Variants in ARHGAP28 observed in about 807,000 individuals in gnomAD.
The protein encoded by ARHGAP28 is rho GTPase-activating protein 28.
A neutral mutation model predicts 90.7 loss-of-function variants in ARHGAP28; 56 were observed. The ratio of observed to expected loss-of-function variants is 0.62; its 90% CI spans 0.50 to 0.77. The LOEUF (loss-of-function observed/expected upper bound fraction) is 0.77, where lower values mean the gene tolerates loss of function less well. Among genes scored for constraint, ARHGAP28 ranks in the 30% least tolerant of loss-of-function variants. The pLI is 0.00. For synonymous variants in ARHGAP28, 308 were observed against 323.3 expected, an observed-to-expected ratio of 0.95 and a Z score of 0.51; for missense variants, 869 against 900.9, an observed-to-expected ratio of 0.96 and a Z score of 0.45.
At chr18:6,827,883 G>A (rs1466272076) in intron 2 of ARHGAP28, among the ~76,000 whole-genome samples, 1 of 151,708 alleles carries the variant, frequency 6.6e-6, no homozygotes, top group Non-Finnish European at 1.5e-5. Flanking sequence ...GCCGGGAAGA[G>A]GCGCTCCTCA....
At chr18:6,882,410 A>T in intron 11 of ARHGAP28, 111 bp downstream of exon 11, 1 of 1,056,840 alleles carries the variant, frequency 9.5e-7, no homozygotes, top group Non-Finnish European at 1.3e-6. Flanking sequence ...CTGTGTCCTG[A>T]CAGTGCTTGG....
chr18:6,783,445 G>C (rs2056341944), intron 1 of ARHGAP28, among the ~76,000 whole-genome samples: 2 of 144,104 alleles, frequency 1.4e-5, no homozygotes, highest in Non-Finnish European at 2.9e-5. Flanking sequence ...GGGATTACAG[G>C]CATGTGCCAC....
intron 13 of ARHGAP28, 30 bp from the exon 14 acceptor site, chr18:6,890,400 C>A: frequency 7.0e-7 from 1 of 1,429,208 alleles, no homozygotes; most frequent in South Asian, 1.2e-5. Flanking sequence ...AAGTGTTTTC[C>A]ATCCAGTCCA....
At chr18:6,757,858 CA>C (rs933622076) in intron 1 of ARHGAP28, among the ~76,000 whole-genome samples, 1 of 152,096 alleles carries the variant, frequency 6.6e-6, no homozygotes, top group Non-Finnish European at 1.5e-5. Context: ...TCAAGGCACA[CA>C]AGCAGGAGTA....
At chr18:6,829,937 G>A (rs948055134) in intron 2 of ARHGAP28, among the ~76,000 whole-genome samples, 1 of 152,200 alleles carries the variant, frequency 6.6e-6, no homozygotes. Context: ...CCTTCTAGGG[G>A]AGAATGCGTT....
intron 16 of ARHGAP28, chr18:6,898,073 A>G (rs1469088629): frequency 1.3e-5 from 2 of 157,624 alleles, no homozygotes; most frequent in African/African-American, 2.4e-5. Context: ...CCACATGTGA[A>G]TCTACAATTA....
intron 3 of ARHGAP28, among the ~76,000 whole-genome samples, chr18:6,845,285 C>T (rs184995104): frequency 1.3e-5 from 2 of 152,224 alleles, no homozygotes; most frequent in South Asian, 2.1e-4. Context: ...CATTATGTTG[C>T]CCAGGCTGGT....
chr18:6,854,103 G>A (rs1483417872), intron 4 of ARHGAP28, among the ~76,000 whole-genome samples: 1 of 151,838 alleles, frequency 6.6e-6, no homozygotes, highest in Non-Finnish European at 1.5e-5. Flanking sequence ...GGTCTCGGGG[G>A]GGTTATATTA....
Position 6,890,073 on chromosome 18 carries a change from G to A in ARHGAP28, c.1722G>A (p.Lys574=), listed in dbSNP as rs745966789. 15 of 1,614,028 alleles carry A rather than the reference G, an allele frequency of 9.3e-6. No homozygotes were observed. In the Admixed American group the frequency reaches 2.3e-4, roughly 25 times the overall value. The part of the protein sequence containing the change: ...HIIRLMLKYQ[K]ILWKVPSFLI... ...TCCGCCTAATGCTTAAGTACCAGAA[G>A]ATTTTGTGGAAGGTGAGTGACATAG... The change falls in exon 13 of 18, where the codon AAG becomes AAA. Residue 574 remains lysine (K), a synonymous_variant. Coordinates refer to ENST00000383472, the MANE Select transcript of ARHGAP28 (RefSeq NM_001366230.1).
chr18:6,750,955 C>A (rs1418420570), intron 1 of ARHGAP28, among the ~76,000 whole-genome samples: 2 of 152,018 alleles, frequency 1.3e-5, no homozygotes, highest in Non-Finnish European at 2.9e-5. Flanking sequence ...AAAACCTGGG[C>A]CAGTTAGAGC....
rs867407259 is a variant in ARHGAP28 at position 6,818,273 on chromosome 18, C to T, written c.123-6489C>T. Among the ~76,000 whole-genome samples the T allele has an allele frequency of 7.9e-5, 12 of 152,304 alleles. No individual in the cohort carries two copies. In the South Asian group the frequency reaches 1.2e-3, roughly 16 times the overall value. ...TCTAAATCACCACACTATATCACTT[C>T]TCTGCTATAAAAATATTTACAGCTA... On this transcript the variant is annotated intron_variant, in intron 1 of 17. Coordinates refer to ENST00000383472, the MANE Select transcript of ARHGAP28 (RefSeq NM_001366230.1).
intron 1 of ARHGAP28, among the ~76,000 whole-genome samples, chr18:6,773,834 T>TCA (rs774661784): frequency 1.3e-5 from 2 of 152,184 alleles, no homozygotes; most frequent in Non-Finnish European, 2.9e-5. Context: ...AAAATTGTCC[T>TCA]CACACACTGC....
At chr18:6,874,424 A>G (rs1020519239) in intron 9 of ARHGAP28, among the ~76,000 whole-genome samples, 1 of 152,166 alleles carries the variant, frequency 6.6e-6, no homozygotes, top group African/African-American at 2.4e-5. Flanking sequence ...TTGTTGCTGA[A>G]TACCTGATTT....
At chr18:6,891,145 T>G (rs1349403443) in intron 14 of ARHGAP28, among the ~76,000 whole-genome samples, 1 of 152,198 alleles carries the variant, frequency 6.6e-6, no homozygotes, top group Non-Finnish European at 1.5e-5. Flanking sequence ...AAATTTACTT[T>G]GCCCTCAAAG....
intron 3 of ARHGAP28, 110 bp from the exon 4 acceptor site, chr18:6,850,924 C>G: frequency 6.5e-7 from 1 of 1,533,232 alleles, no homozygotes; most frequent in Non-Finnish European, 8.8e-7. Context: ...GTATATATCT[C>G]CAGGCAGCTG....
At chr18:6,880,903 C>CCA (rs879033906) in intron 10 of ARHGAP28, among the ~76,000 whole-genome samples, 2 of 152,138 alleles carry the variant, frequency 1.3e-5, no homozygotes, top group Admixed American at 1.3e-4. Flanking sequence ...TTTTCAGAGC[C>CCA]CACTCTATCT....
At chr18:6,762,196 G>A (rs968302957) in intron 1 of ARHGAP28, among the ~76,000 whole-genome samples, 2 of 152,132 alleles carry the variant, frequency 1.3e-5, no homozygotes, top group Admixed American at 1.3e-4. Context: ...CCTCCCAGGT[G>A]CACCTCCTGC....
At chr18:6,745,585 T>C (rs78937726) in intron 1 of ARHGAP28, among the ~76,000 whole-genome samples, 1,882 of 152,304 alleles carry the variant, frequency 0.012, 37 homozygotes, top group African/African-American at 0.043. Context: ...AAACAAGATA[T>C]ATAACATCTC....
chr18:6,731,284 A>ATG (rs1245151029), intron 1 of ARHGAP28, among the ~76,000 whole-genome samples: 16 of 132,862 alleles, frequency 1.2e-4, no homozygotes, highest in South Asian at 4.6e-4. Flanking sequence ...AAATATATAT[A>ATG]TGTGTGCGTG....
Sources: allele counts gnomAD v4.1 joint callset (sites outside exome capture counted in the v4.1 genomes callset), GRCh38; gene constraint gnomAD v4.1.1; transcripts MANE v1.5; gene names NCBI Gene and HGNC (gene_info 2026-07-23, HGNC 2026-07-21).